The following TMIE variants were observed in gnomAD, a reference collection of about 807,000 sequenced individuals.
The protein encoded by TMIE is transmembrane inner ear expressed protein.
A neutral mutation model predicts 16.8 loss-of-function variants in TMIE; 14 were observed. That is an observed-to-expected ratio of 0.83 (90% CI 0.55 to 1.30). The LOEUF is 1.30. Ranked by LOEUF, TMIE falls within the 50% of genes most tolerant of loss-of-function variation. TMIE has a pLI of 0.00. For synonymous variants in TMIE, 75 were observed against 87.2 expected, an observed-to-expected ratio of 0.86 and a Z score of 0.78; for missense variants, 204 against 205.9, an observed-to-expected ratio of 0.99 and a Z score of 0.06.
upstream of TMIE, among the ~76,000 whole-genome samples, chr3:46,697,799 CAGTT>C (rs1700423888): frequency 6.6e-6 from 1 of 152,004 alleles, no homozygotes. Flanking sequence ...GGAAGGCACT[CAGTT>C]GGTGTCTGCT....
intron 1 of TMIE, among the ~76,000 whole-genome samples, chr3:46,695,408 C>G (rs1198929196): frequency 6.6e-6 from 1 of 152,154 alleles, no homozygotes; most frequent in African/African-American, 2.4e-5. Flanking sequence ...AATATCTTAC[C>G]TGCGCCTCCT....
intron 2 of TMIE, 43 bp from the exon 3 acceptor site, chr3:46,709,082 TC>T (rs1700588252): frequency 1.2e-6 from 2 of 1,613,090 alleles, no homozygotes; most frequent in Non-Finnish European, 1.7e-6. Context: ...TCCTTGGGTC[TC>T]TGAACCCCAG....
intron 2 of TMIE, 114 bp downstream of exon 2, chr3:46,706,021 G>A (rs1306760792): frequency 9.1e-6 from 10 of 1,093,630 alleles, no homozygotes; most frequent in South Asian, 3.7e-5. Flanking sequence ...CCAGGCACCC[G>A]CAGGAGACCC....
intron 1 of TMIE, among the ~76,000 whole-genome samples, chr3:46,703,093 C>G (rs1427257037): frequency 2.0e-5 from 3 of 152,208 alleles, no homozygotes; most frequent in Admixed American, 1.3e-4. Context: ...GGCCTTAGCT[C>G]TTCCCTCACG....
chr3:46,707,045 C>A (rs1027541145), intron 2 of TMIE, among the ~76,000 whole-genome samples: 1 of 152,174 alleles, frequency 6.6e-6, no homozygotes, highest in Non-Finnish European at 1.5e-5. Flanking sequence ...AAAATCCCCG[C>A]CCCCCATCTG....
chr3:46,701,678 C>T lies in TMIE; in HGVS notation c.93+98C>T. 1.0e-6 allele frequency: 1 copy of T among 999,494 alleles called. No homozygotes were observed. The highest frequency in any genetic ancestry group is 1.3e-6 in the Non-Finnish European group (1 of 768,132). The allele number at this position is 999,494 out of a possible 1,614,324, so 61.9% of individuals were successfully genotyped here. A position where few individuals can be genotyped will look rare whatever the true frequency, so the allele number is the denominator to read the frequency against. On this transcript the variant is annotated intron_variant, in intron 1 of 3. Transcript: ENST00000643606. This position sits in a 1 kb window ranked among gnomAD's most constrained non-coding sequence, Gnocchi z 4.3. ...TTTTTGATCCGGAGCTTGTTTGATC[C>T]CTTACTCTTGCCCTGAGAGATCCAG... is the stretch of plus-strand genomic sequence containing the variant.
chr3:46,708,518 C>T (rs1483029415), intron 2 of TMIE, among the ~76,000 whole-genome samples: 1 of 152,248 alleles, frequency 6.6e-6, no homozygotes, highest in Non-Finnish European at 1.5e-5. Flanking sequence ...GCCCAACTGG[C>T]GTGGGTGCAG....
intron 3 of TMIE, 146 bp downstream of exon 3, chr3:46,709,421 T>G: frequency 6.2e-7 from 1 of 1,601,366 alleles, no homozygotes; most frequent in Non-Finnish European, 8.5e-7. Context: ...CAGAAATTGG[T>G]TGGCATGAGG....
At position 46,709,603 on chromosome 3, in the gene TMIE, AG is replaced by A. The variant is rs767336374; in HGVS notation, c.387del (p.Lys130ArgfsTer12). 6.2e-7 allele frequency: 1 copy of A among 1,613,896 alleles called. No homozygotes were observed. The highest frequency in any genetic ancestry group is 8.5e-7 in the Non-Finnish European group (1 of 1,179,892). On this transcript the variant is annotated frameshift_variant, in exon 4 of 4. Transcript: ENST00000643606. LOFTEE classifies it high-confidence loss of function. ...PGEDKKKKKKKKKDSVDTVAI... is the reference protein window; with the variant it reads ...PGEDKKKKKKXKKDSVDTVAI... ...GAGGATAAGAAGAAGAAGAAGAAGA[AG>A]AAGAAGGACAGTGTGGACACAGTGG...
At chr3:46,700,673 C>T (rs562801581), upstream of TMIE, among the ~76,000 whole-genome samples, 22 of 152,338 alleles carry the variant, frequency 1.4e-4, 1 homozygote, top group Admixed American at 1.3e-3. Flanking sequence ...GTTGTCAAGG[C>T]TCAACATGGG....
intron 2 of TMIE, 116 bp from the exon 3 acceptor site, chr3:46,709,010 G>T: frequency 1.5e-6 from 2 of 1,359,992 alleles, no homozygotes; most frequent in Non-Finnish European, 2.1e-6. Context: ...CTCCTGCCAG[G>T]GTCTGGTGGG....
chr3:46,695,620 G>A (rs149269362), intron 1 of TMIE, among the ~76,000 whole-genome samples: 4 of 152,306 alleles, frequency 2.6e-5, no homozygotes, highest in Admixed American at 1.3e-4. Flanking sequence ...CACTTGTGAC[G>A]AACAGGGACA....
chr3:46,707,361 T>G (rs1479764217), intron 2 of TMIE, among the ~76,000 whole-genome samples: 1 of 152,144 alleles, frequency 6.6e-6, no homozygotes, highest in Non-Finnish European at 1.5e-5. Flanking sequence ...ACAGACCATC[T>G]CTAACCCCAT....
At position 46,709,725 on chromosome 3, in the gene TMIE, G is replaced by A. The variant is rs754934057; in HGVS notation, c.*37G>A. On this transcript the variant is annotated 3_prime_UTR_variant, in exon 4 of 4. Coordinates refer to ENST00000643606, the MANE Select transcript of TMIE (RefSeq NM_147196.3). ...GCAGCTTGGGCTGGCGGGCCCTGGA[G>A]CTCAAGCCGTGGCCGGGGTCCAGGC... 1 of 1,613,092 alleles carries A rather than the reference G, an allele frequency of 6.2e-7. No homozygotes were observed. The highest frequency in any genetic ancestry group is 8.5e-7 in the Non-Finnish European group (1 of 1,179,698).
upstream of TMIE, among the ~76,000 whole-genome samples, chr3:46,698,779 T>C (rs932288967): frequency 6.6e-6 from 1 of 152,246 alleles, no homozygotes; most frequent in Non-Finnish European, 1.5e-5. Context: ...AATTCTCTTA[T>C]GCTACTTTAG....
chr3:46,707,132 A>G (rs1374412941), intron 2 of TMIE, among the ~76,000 whole-genome samples: 2 of 152,214 alleles, frequency 1.3e-5, no homozygotes, highest in African/African-American at 2.4e-5. Context: ...ACAGACAGAT[A>G]GGTGTGCCTG....
At chr3:46,709,492 A>C (rs1317410504) in intron 3 of TMIE, 87 bp from the exon 4 acceptor site, 1 of 1,613,174 alleles carries the variant, frequency 6.2e-7, no homozygotes, top group Non-Finnish European at 8.5e-7. Flanking sequence ...AGAGTGTAGG[A>C]GGTTCTGGGG....
Position 46,701,688 on chromosome 3 carries a change from G to A in TMIE, c.93+108G>A, listed in dbSNP as rs1409493256. On this transcript the variant is annotated intron_variant, in intron 1 of 3. Transcript: ENST00000643606. The surrounding 1 kb of genome is among the most constrained non-coding windows in gnomAD (Gnocchi z 4.3). ...GGAGCTTGTTTGATCCCTTACTCTT[G>A]CCCTGAGAGATCCAGTCTCCCGGGC... The A allele has an allele frequency of 2.9e-5, 27 of 915,874 alleles. No individual in the cohort carries two copies. The highest frequency in any genetic ancestry group is 3.7e-5 in the Non-Finnish European group (26 of 695,996). 56.7% of individuals were successfully genotyped at this position (915,874 alleles called of 1,614,324 possible). A position where few individuals can be genotyped will look rare whatever the true frequency, so the allele number is the denominator to read the frequency against.
upstream of TMIE, among the ~76,000 whole-genome samples, chr3:46,700,213 TG>T (rs2106773191): frequency 6.6e-6 from 1 of 152,354 alleles, no homozygotes; most frequent in East Asian, 1.9e-4. Context: ...GTTTCCTCGA[TG>T]GGTCTCCTGG....
Sources: allele counts gnomAD v4.1 joint callset (sites outside exome capture counted in the v4.1 genomes callset), GRCh38; gene constraint gnomAD v4.1.1; non-coding constraint Gnocchi (gnomAD v3.1); transcripts MANE v1.5; gene names NCBI Gene and HGNC (gene_info 2026-07-23, HGNC 2026-07-21).